CEP192: variants seen among roughly 807,000 people sequenced by gnomAD.
The protein encoded by CEP192 is centrosomal protein 192.
In CEP192, 151 loss-of-function variants were observed where a neutral mutation model predicts 271.8. The observed-to-expected ratio is 0.56, with a 90% CI of 0.49 to 0.64. The LOEUF is 0.64. Ranked by LOEUF, CEP192 falls within the 30% of genes least tolerant of loss-of-function variation. The probability of loss-of-function intolerance (pLI) is 0.00; values close to 1 mark genes in which losing one functional copy is unlikely to be tolerated. For missense variants in CEP192, 2,910 were observed against 3,020.5 expected, an observed-to-expected ratio of 0.96 and a Z score of 0.86; for synonymous variants, 995 against 1,076.5, an observed-to-expected ratio of 0.92 and a Z score of 1.48.
intron 9 of CEP192, among the ~76,000 whole-genome samples, chr18:13,028,024 C>G (rs2035400968): frequency 6.6e-6 from 1 of 152,052 alleles, no homozygotes; most frequent in South Asian, 2.1e-4. Context: ...TTATGGAGGC[C>G]AAAAGTCTGA....
At chr18:13,111,020 A>C (rs562879524) in intron 40 of CEP192, among the ~76,000 whole-genome samples, 5 of 152,196 alleles carry the variant, frequency 3.3e-5, no homozygotes, top group Non-Finnish European at 1.5e-5. Flanking sequence ...ACAGACTCAA[A>C]TGTCAGTCTC....
At chr18:13,009,086 G>A (rs1362005038) in intron 4 of CEP192, among the ~76,000 whole-genome samples, 1 of 148,790 alleles carries the variant, frequency 6.7e-6, no homozygotes, top group Non-Finnish European at 1.5e-5. Context: ...ATGAACTCCT[G>A]GGCTCAAGCA....
At chr18:13,010,761 G>A (rs1345405089) in intron 4 of CEP192, among the ~76,000 whole-genome samples, 1 of 151,862 alleles carries the variant, frequency 6.6e-6, no homozygotes, top group African/African-American at 2.4e-5. Flanking sequence ...CAGGAGAATC[G>A]CTTGAACCTG....
intron 40 of CEP192, among the ~76,000 whole-genome samples, chr18:13,105,927 T>G (rs1228485023): frequency 6.6e-6 from 1 of 152,186 alleles, no homozygotes; most frequent in Non-Finnish European, 1.5e-5. Context: ...CTTAACCTTG[T>G]TAAGTCCCTA....
chr18:13,038,165 T>C (rs909621029), intron 12 of CEP192, among the ~76,000 whole-genome samples: 3 of 152,142 alleles, frequency 2.0e-5, no homozygotes, highest in African/African-American at 7.2e-5. Flanking sequence ...ATAACTCAAG[T>C]GTTCAAAAAT....
At chr18:13,038,242 T>C in intron 12 of CEP192, 128 bp from the exon 13 acceptor site, 1 of 711,980 alleles carries the variant, frequency 1.4e-6, no homozygotes, top group Middle Eastern at 3.4e-4. Flanking sequence ...GTCCAATTTT[T>C]TTTTTGTCTA....
rs767497507 is a variant in CEP192, at chr18:13,052,911, T to C, written c.3018-8T>C. 1.3e-6 allele frequency: 2 copies of C among 1,575,496 alleles called. No homozygotes were observed. The highest frequency in any genetic ancestry group is 8.6e-7 in the Non-Finnish European group (1 of 1,157,342). ...GAACTCCAGGTGTGAGCTACTCTTC[T>C]CTTTCAGGTGTGCGTTAGAGTCCTT... is the stretch of plus-strand genomic sequence containing the variant. On this transcript the variant is annotated splice_region_variant and splice_polypyrimidine_tract_variant and intron_variant, in intron 17 of 44. Coordinates refer to ENST00000506447, the MANE Select transcript of CEP192 (RefSeq NM_032142.4).
chr18:13,100,210 G>A (rs1220180207), intron 37 of CEP192, 95 bp from the exon 38 acceptor site: 1 of 785,284 alleles, frequency 1.3e-6, no homozygotes. Context: ...TGTTTGTTTG[G>A]CATTTCTTTT....
At chr18:13,004,133 T>G (rs947189545) in intron 3 of CEP192, among the ~76,000 whole-genome samples, 2 of 152,150 alleles carry the variant, frequency 1.3e-5, no homozygotes, top group African/African-American at 2.4e-5. Context: ...AATAAGTAGT[T>G]TGGTGTAAGT....
chr18:13,020,882 T>A (rs9961669), intron 9 of CEP192, among the ~76,000 whole-genome samples: 107,341 of 152,130 alleles, frequency 0.71, 39,089 homozygotes, highest in African/African-American at 0.89. Context: ...CCTTGGGGAA[T>A]TGTTCATTTA....
intron 6 of CEP192, among the ~76,000 whole-genome samples, chr18:13,015,920 A>G (rs2034620070): frequency 6.6e-6 from 1 of 151,766 alleles, no homozygotes; most frequent in South Asian, 2.1e-4. Flanking sequence ...TAATTTTTGG[A>G]TTTTTAGTAG....
At chr18:13,105,182 TCA>T in intron 40 of CEP192, 103 bp downstream of exon 40, 1 of 795,538 alleles carries the variant, frequency 1.3e-6, no homozygotes, top group South Asian at 1.4e-5. Flanking sequence ...GCAGTGCTAC[TCA>T]CAGAGCCAGT....
In CEP192 at chr18:13,034,327, G is replaced by A. The variant is rs1315815636; in HGVS notation, c.1535-2910G>A. ...AGGATGGACTAGATCCAGGGAAATA[G>A]GGGTGGAGGTAGCATTAATGAAATG... On this transcript the variant is annotated intron_variant, in intron 11 of 44. Transcript: ENST00000506447. Among the ~76,000 whole-genome samples the A allele has an allele frequency of 5.9e-5, 9 of 152,112 alleles. No homozygotes were observed. The South Asian group carries it at 1.7e-3, about 28-fold the overall frequency.
At chr18:13,027,460 C>T (rs1053587180) in intron 9 of CEP192, among the ~76,000 whole-genome samples, 3 of 152,124 alleles carry the variant, frequency 2.0e-5, no homozygotes, top group East Asian at 1.9e-4. Flanking sequence ...CAGCAATTCA[C>T]CAGTTACATG....
At chr18:13,024,411 G>A in intron 9 of CEP192, 1 of 427,018 alleles carries the variant, frequency 2.3e-6, no homozygotes, top group Non-Finnish European at 4.7e-6. Context: ...CTTAGGTCTT[G>A]TTTTTTGATT....
At chr18:13,081,215 G>A (rs1319649891) in intron 30 of CEP192, among the ~76,000 whole-genome samples, 1 of 152,202 alleles carries the variant, frequency 6.6e-6, no homozygotes, top group Non-Finnish European at 1.5e-5. Context: ...AGAAGAAATG[G>A]TACCAGCTCC....
At chr18:13,068,775 C>G in intron 24 of CEP192, 77 bp from the exon 25 acceptor site, 1 of 1,505,660 alleles carries the variant, frequency 6.6e-7, no homozygotes, top group Non-Finnish European at 9.2e-7. Flanking sequence ...CCTAAGGGCA[C>G]TGTGTGGGAC....
chr18:13,066,334 A>G (rs2037697746), intron 21 of CEP192, among the ~76,000 whole-genome samples: 1 of 152,152 alleles, frequency 6.6e-6, no homozygotes, highest in African/African-American at 2.4e-5. Context: ...AAGTGAATTT[A>G]CTTCAAAGTT....
chr18:13,107,035 A>T (rs2039989285), intron 40 of CEP192, among the ~76,000 whole-genome samples: 1 of 152,250 alleles, frequency 6.6e-6, no homozygotes, highest in Admixed American at 6.5e-5. Context: ...TACCTACTGT[A>T]TTATTAATGC....
Sources: allele counts gnomAD v4.1 joint callset (sites outside exome capture counted in the v4.1 genomes callset), GRCh38; gene constraint gnomAD v4.1.1; transcripts MANE v1.5; gene names NCBI Gene and HGNC (gene_info 2026-07-23, HGNC 2026-07-21).